Variants in COP1 observed in about 807,000 individuals in gnomAD.
COP1 encodes COP1 E3 ubiquitin ligase.
A neutral mutation model predicts 101.3 loss-of-function variants in COP1; 24 were observed. The observed-to-expected ratio is 0.24, with a 90% CI of 0.17 to 0.33. The LOEUF (loss-of-function observed/expected upper bound fraction) is 0.33, where lower values mean the gene tolerates loss of function less well. COP1 is among the 10% of genes least tolerant of loss of function. The probability of loss-of-function intolerance (pLI) is 1.00; values close to 1 mark genes in which losing one functional copy is unlikely to be tolerated. For missense variants in COP1, 663 were observed against 906.2 expected (o/e 0.73, Z 3.45); for synonymous variants, 347 against 341.9 (o/e 1.01, Z -0.17).
chr1:176,067,201 C>T (rs1284322502), intron 11 of COP1, among the ~76,000 whole-genome samples: 1 of 152,002 alleles, frequency 6.6e-6, no homozygotes, highest in Non-Finnish European at 1.5e-5. Flanking sequence ...AATGTAGGTA[C>T]AAATTGTAAC....
chr1:176,132,520 TAC>T (rs376252109), intron 8 of COP1, among the ~76,000 whole-genome samples: 4 of 149,882 alleles, frequency 2.7e-5, no homozygotes, highest in East Asian at 1.9e-4. Context: ...TGTGTGTATA[TAC>T]ACACACACAT....
chr1:176,009,406 C>T (rs915950513), intron 15 of COP1, among the ~76,000 whole-genome samples: 57 of 152,076 alleles, frequency 3.7e-4, no homozygotes, highest in Admixed American at 2.6e-4. Context: ...AACATAGTAC[C>T]ATATAATAAT....
At chr1:176,187,803 G>C (rs148941311) in intron 1 of COP1, among the ~76,000 whole-genome samples, 140 of 152,206 alleles carry the variant, frequency 9.2e-4, no homozygotes, top group African/African-American at 2.1e-3. Context: ...ACCAAAAAGA[G>C]AAAATACGGG....
intron 3 of COP1, among the ~76,000 whole-genome samples, chr1:176,170,207 A>C (rs1439409427): frequency 1.3e-5 from 2 of 152,190 alleles, no homozygotes; most frequent in African/African-American, 2.4e-5. Context: ...ATCAACTTCC[A>C]CCAAACTCCT....
chr1:176,006,891 G>A (rs1267155357), intron 15 of COP1, among the ~76,000 whole-genome samples: 1 of 151,788 alleles, frequency 6.6e-6, no homozygotes, highest in East Asian at 1.9e-4. Context: ...TCTGAACGTT[G>A]GCCTGCCTTG....
intron 9 of COP1, among the ~76,000 whole-genome samples, chr1:176,092,008 G>A (rs1401579393): frequency 6.6e-6 from 1 of 152,094 alleles, no homozygotes; most frequent in Non-Finnish European, 1.5e-5. Flanking sequence ...AACAGCCACT[G>A]TATATGAGAA....
chr1:175,947,290 C>T (rs779439238), intron 18 of COP1, 51 bp from the exon 19 acceptor site: 8 of 1,224,428 alleles, frequency 6.5e-6, no homozygotes, highest in Admixed American at 1.7e-5. Context: ...TCCTGGAGAG[C>T]AATCCAAGAG....
chr1:176,169,991 GA>G (rs1021746480), intron 3 of COP1, among the ~76,000 whole-genome samples: 4 of 152,194 alleles, frequency 2.6e-5, no homozygotes, highest in African/African-American at 9.7e-5. Flanking sequence ...ACTAGGAGTA[GA>G]TTTCATCTCA....
chr1:176,014,625 T>A (rs4652142), intron 15 of COP1, among the ~76,000 whole-genome samples: 9,022 of 152,218 alleles, frequency 0.059, 612 homozygotes, highest in African/African-American at 0.16. Context: ...TAAATGAAAC[T>A]TCACCTTACT....
intron 6 of COP1, among the ~76,000 whole-genome samples, chr1:176,143,375 T>TC (rs1240979495): frequency 2.0e-5 from 3 of 152,090 alleles, no homozygotes; most frequent in Non-Finnish European, 4.4e-5. Context: ...ACTTAAAACT[T>TC]CCCGCAAACA....
chr1:176,200,501 A>C (rs1368023537), intron 1 of COP1, among the ~76,000 whole-genome samples: 2 of 152,198 alleles, frequency 1.3e-5, no homozygotes, highest in African/African-American at 4.8e-5. Flanking sequence ...GAATTTGGGG[A>C]AAAAATGTAC....
intron 15 of COP1, among the ~76,000 whole-genome samples, chr1:176,011,141 G>A (rs1309837350): frequency 2.6e-5 from 4 of 152,116 alleles, no homozygotes; most frequent in African/African-American, 7.2e-5. Context: ...ATAATGTGGT[G>A]GCAGTAATTC....
At chr1:176,136,363 A>C (rs1415836497) in intron 7 of COP1, 125 bp downstream of exon 7, 5 of 466,870 alleles carry the variant, frequency 1.1e-5, no homozygotes, top group Non-Finnish European at 1.9e-5. Flanking sequence ...TTGAAATGAA[A>C]GTAACAGCTG....
rs1190806175 is a variant in COP1 at position 176,206,974 on chromosome 1, G to A, written c.5C>T (p.Ser2Phe). Residue 2 changes from serine (S) to phenylalanine (F), a missense_variant, in exon 1 of 20, where the codon TCT (serine) becomes TTT (phenylalanine). By Grantham distance (155) the Ser-to-Phe change is radical. Coordinates refer to ENST00000367669, the MANE Select transcript of COP1 (RefSeq NM_022457.7). ...GCCCGACCCGGCCTGGCGGCTACCA[G>A]ACATCGTGACTCCCTCCCCTCCAGC... Reference protein sequence around the residue: MSGSRQAGSGSA... With the variant: MFGSRQAGSGSA... The A allele has an allele frequency of 1.4e-6, 2 of 1,394,274 alleles. No homozygotes were observed. The highest frequency in any genetic ancestry group is 1.9e-6 in the Non-Finnish European group (2 of 1,078,326). The allele number at this position is 1,394,274 out of a possible 1,614,324, so 86.4% of individuals were successfully genotyped here.
At chr1:175,979,535 C>T (rs921741715) in intron 18 of COP1, among the ~76,000 whole-genome samples, 3 of 147,540 alleles carry the variant, frequency 2.0e-5, no homozygotes, top group Non-Finnish European at 4.5e-5. Context: ...AATGTCATAA[C>T]GTGATGGAGA....
intron 2 of COP1, among the ~76,000 whole-genome samples, chr1:176,183,340 A>G (rs1698026577): frequency 6.6e-6 from 1 of 152,226 alleles, no homozygotes; most frequent in South Asian, 2.1e-4. Context: ...AAGGTATACT[A>G]AGGCTAAAAT....
chr1:175,997,820 C>A (rs1226806000), intron 15 of COP1, among the ~76,000 whole-genome samples: 3 of 152,040 alleles, frequency 2.0e-5, no homozygotes, highest in Non-Finnish European at 2.9e-5. Flanking sequence ...ACTAGTTCAA[C>A]CATTGTGAAA....
Position 175,988,382 on chromosome 1 carries a change from A to C in COP1, c.1878T>G (p.Asn626Lys). The change falls in exon 17 of 20, where the codon AAT becomes AAG. Residue 626 changes from asparagine (N) to lysine (K), a missense_variant. Asn to Lys is a moderately conservative substitution (Grantham distance 94). Transcript: ENST00000367669. ...AACGTAGGCAGTATGGTTTCCCTACATTCCACAGTTTTAGCTGACTGTCTG... is the reference window on the plus strand; with the variant it reads ...AACGTAGGCAGTATGGTTTCCCTACCTTCCACAGTTTTAGCTGACTGTCTG... ...ASTDSQLKLW[N>K]VGKPYCLRSF... 6.2e-7 allele frequency: 1 copy of C among 1,609,438 alleles called. No homozygotes were observed. The highest frequency in any genetic ancestry group is 1.1e-5 in the South Asian group (1 of 90,530).
intron 18 of COP1, among the ~76,000 whole-genome samples, chr1:175,973,284 A>C (rs539066461): frequency 2.6e-4 from 40 of 152,366 alleles, no homozygotes; most frequent in African/African-American, 8.2e-4. Context: ...ATACATTGAG[A>C]ATTTAAAATA....
Sources: allele counts gnomAD v4.1 joint callset (sites outside exome capture counted in the v4.1 genomes callset), GRCh38; gene constraint gnomAD v4.1.1; transcripts MANE v1.5; gene names NCBI Gene and HGNC (gene_info 2026-07-23, HGNC 2026-07-21).